The following STARD13 variants were observed in gnomAD, a reference collection of about 807,000 sequenced individuals.
STARD13 encodes StAR related lipid transfer domain containing 13, also known as stAR-related lipid transfer protein 13.
A neutral mutation model predicts 106.4 loss-of-function variants in STARD13; 62 were observed. The ratio of observed to expected loss-of-function variants is 0.58; its 90% CI spans 0.48 to 0.72. The LOEUF (loss-of-function observed/expected upper bound fraction) is 0.72. Among genes scored for constraint, STARD13 ranks in the 30% least tolerant of loss-of-function variants. STARD13 has a pLI of 0.00. For missense variants in STARD13, 1,387 were observed against 1,424.0 expected (o/e 0.97, Z 0.42); for synonymous variants, 565 against 553.0 (o/e 1.02, Z -0.31).
At chr13:33,456,865 G>A in the STARD13 span, among the ~76,000 whole-genome samples, 2 of 152,178 alleles carry the variant, frequency 1.3e-5, no homozygotes, top group African/African-American at 4.8e-5. Flanking sequence ...TAAGATGAGG[G>A]AAACAATTCC....
At chr13:33,320,940 C>T (rs1893537154) in intron 1 of STARD13, among the ~76,000 whole-genome samples, 1 of 152,162 alleles carries the variant, frequency 6.6e-6, no homozygotes, top group South Asian at 2.1e-4. Flanking sequence ...ATTAACATAT[C>T]ATTGAAGGTT....
the STARD13 span, among the ~76,000 whole-genome samples, chr13:33,627,493 C>A: frequency 2.6e-5 from 4 of 151,908 alleles, no homozygotes; most frequent in South Asian, 6.3e-4. Flanking sequence ...AAAAATTGGC[C>A]GAGTGCGGTG....
chr13:33,105,854 C>G, intron 13 of STARD13, 144 bp from the exon 14 acceptor site: 1 of 682,046 alleles, frequency 1.5e-6, no homozygotes, highest in Non-Finnish European at 2.7e-6. Flanking sequence ...GGGCTCAGGA[C>G]GTCATTCTGC....
the STARD13 span, among the ~76,000 whole-genome samples, chr13:33,464,024 C>CATATAT: frequency 0.079 from 8,869 of 112,496 alleles, 794 homozygotes; most frequent in East Asian, 0.24. Flanking sequence ...AAAAAAAATA[C>CATATAT]ATATATATAT....
chr13:33,648,022 C>G, the STARD13 span, among the ~76,000 whole-genome samples: 3 of 152,114 alleles, frequency 2.0e-5, no homozygotes, highest in South Asian at 2.1e-4. Flanking sequence ...AGGTCTGTTT[C>G]TATGTGCTGT....
At chr13:33,146,265 A>C in intron 3 of STARD13, among the ~76,000 whole-genome samples, 1 of 152,210 alleles carries the variant, frequency 6.6e-6, no homozygotes, top group East Asian at 1.9e-4. Context: ...CGGAGGTTGC[A>C]GCGAGCCGAG....
the STARD13 span, among the ~76,000 whole-genome samples, chr13:33,651,688 G>A: frequency 6.6e-6 from 1 of 152,192 alleles, no homozygotes; most frequent in African/African-American, 2.4e-5. Context: ...ACTCTCATCT[G>A]GAGGTGAGCT....
the STARD13 span, among the ~76,000 whole-genome samples, chr13:33,671,816 A>AAGTCACAATTAT: frequency 6.6e-6 from 1 of 152,140 alleles, no homozygotes; most frequent in Non-Finnish European, 1.5e-5. Context: ...AATAATACAT[A>AAGTCACAATTAT]AGTCACAATT....
intron 3 of STARD13, among the ~76,000 whole-genome samples, chr13:33,157,433 C>T (rs1355721170): frequency 6.6e-6 from 1 of 152,094 alleles, no homozygotes; most frequent in East Asian, 1.9e-4. Flanking sequence ...TTTGTGAGGC[C>T]GAGTTGGGTG....
At chr13:33,460,211 G>A in the STARD13 span, among the ~76,000 whole-genome samples, 1 of 152,004 alleles carries the variant, frequency 6.6e-6, no homozygotes, top group African/African-American at 2.4e-5. Flanking sequence ...GATTGGGCCG[G>A]GCACGATGGC....
chr13:33,123,114 C>G (rs1390982832), intron 7 of STARD13, among the ~76,000 whole-genome samples: 4 of 149,268 alleles, frequency 2.7e-5, no homozygotes, highest in Non-Finnish European at 5.9e-5. Flanking sequence ...TGGATAGCCC[C>G]AGAGCACTGC....
intron 1 of STARD13, chr13:33,275,934 T>A (rs910271233): frequency 6.6e-6 from 1 of 152,220 alleles, no homozygotes; most frequent in Admixed American, 6.5e-5. Flanking sequence ...CCCTGGCCAG[T>A]GATAACACAT....
intron 1 of STARD13, among the ~76,000 whole-genome samples, chr13:33,275,443 CATTT>C (rs1475628371): frequency 6.6e-6 from 1 of 152,140 alleles, no homozygotes; most frequent in African/African-American, 2.4e-5. Context: ...TATAGTCTCT[CATTT>C]AATCCTTGCA....
intron 7 of STARD13, among the ~76,000 whole-genome samples, chr13:33,125,419 G>A (rs569400276): frequency 1.3e-5 from 2 of 152,156 alleles, no homozygotes; most frequent in South Asian, 4.2e-4. Context: ...GTAAAGTACA[G>A]GACGGACAGC....
At chr13:33,666,303 G>T in the STARD13 span, among the ~76,000 whole-genome samples, 2 of 151,676 alleles carry the variant, frequency 1.3e-5, no homozygotes, top group East Asian at 1.9e-4. Context: ...GTTGTTTTTG[G>T]TTTTTTTTGA....
intron 1 of STARD13, among the ~76,000 whole-genome samples, chr13:33,262,648 C>CCA (rs1187828245): frequency 4.3e-5 from 6 of 141,116 alleles, no homozygotes; most frequent in East Asian, 2.2e-4. Flanking sequence ...ACCCCCCCCC[C>CCA]CACACACACA....
At chr13:33,639,270 T>A in the STARD13 span, among the ~76,000 whole-genome samples, 1 of 152,156 alleles carries the variant, frequency 6.6e-6, no homozygotes, top group East Asian at 1.9e-4. Flanking sequence ...TGGAATTCAG[T>A]CATGGGAATA....
rs555889658 is a variant in STARD13, at chr13:33,134,174, T to C, written c.388-3885A>G. On this transcript the variant is annotated intron_variant, in intron 4 of 13. Coordinates refer to ENST00000336934, the MANE Select transcript of STARD13 (RefSeq NM_178006.4). ...ACAATATGGCTCACTAGCTAGATGC[T>C]ACACAACGGGGTCCAATCTTTTGGC... Among the ~76,000 whole-genome samples the C allele has an allele frequency of 5.9e-5, 9 of 152,310 alleles. No individual in the cohort carries two copies. The East Asian group carries it at 1.5e-3, about 26-fold the overall frequency.
chr13:33,339,270 T>C (rs78134744), intron 1 of STARD13, among the ~76,000 whole-genome samples: 2,097 of 152,322 alleles, frequency 0.014, 55 homozygotes, highest in African/African-American at 0.048. Flanking sequence ...TTGACTCCAG[T>C]AGCTGTTCTT....
Sources: allele counts gnomAD v4.1 joint callset (sites outside exome capture counted in the v4.1 genomes callset), GRCh38; gene constraint gnomAD v4.1.1; transcripts MANE v1.5; gene names NCBI Gene and HGNC (gene_info 2026-07-23, HGNC 2026-07-21).